ELFN1: variants seen among roughly 807,000 people sequenced by gnomAD.
The protein encoded by ELFN1 is protein ELFN1.
A neutral mutation model predicts 7.6 loss-of-function variants in ELFN1; 6 were observed. The ratio of observed to expected loss-of-function variants is 0.79; its 90% CI spans 0.43 to 1.56. The LOEUF (loss-of-function observed/expected upper bound fraction) is 1.56, where lower values mean the gene tolerates loss of function less well. Ranked by LOEUF, ELFN1 falls within the 40% of genes most tolerant of loss-of-function variation. The pLI is 0.01. For missense variants in ELFN1, 1,169 were observed against 1,232.2 expected (o/e 0.95, Z 0.77); for synonymous variants, 657 against 588.1 (o/e 1.12, Z -1.70).
At chr7:1,738,538 G>A (rs559155818) in intron 3 of ELFN1, 1 of 152,468 alleles carries the variant, frequency 6.6e-6, no homozygotes, top group Admixed American at 6.5e-5. Context: ...AGGAGGCCAA[G>A]GCTGCAGTGA....
intron 3 of ELFN1, among the ~76,000 whole-genome samples, chr7:1,719,747 C>G (rs1449088878): frequency 6.6e-6 from 1 of 152,232 alleles, no homozygotes. Flanking sequence ...TGGGATCAGG[C>G]CAGGAGCAAA....
chr7:1,683,208 A>T, intron 1 of ELFN1, among the ~76,000 whole-genome samples: 1 of 150,288 alleles, frequency 6.7e-6, no homozygotes, highest in African/African-American at 2.4e-5. Context: ...TGAAGTTTTG[A>T]TATTATTTCT....
intron 3 of ELFN1, among the ~76,000 whole-genome samples, chr7:1,724,423 C>T (rs540332362): frequency 7.0e-4 from 107 of 152,342 alleles, no homozygotes; most frequent in Non-Finnish European, 1.3e-3. Flanking sequence ...GGCCCCACCT[C>T]CCTGCTGGCT....
At chr7:1,713,863 C>A (rs1168736900) in intron 3 of ELFN1, among the ~76,000 whole-genome samples, 2 of 152,282 alleles carry the variant, frequency 1.3e-5, no homozygotes, top group Admixed American at 1.3e-4. Context: ...GCCACTCCCC[C>A]AGCACTGCCG....
At chr7:1,728,303 G>C (rs1780250940) in intron 3 of ELFN1, among the ~76,000 whole-genome samples, 1 of 152,260 alleles carries the variant, frequency 6.6e-6, no homozygotes, top group Non-Finnish European at 1.5e-5. Flanking sequence ...ACCCTTCCCA[G>C]AGGCTCACTG....
intron 3 of ELFN1, among the ~76,000 whole-genome samples, chr7:1,742,788 C>T (rs961742857): frequency 6.6e-6 from 1 of 152,212 alleles, no homozygotes; most frequent in African/African-American, 2.4e-5. Context: ...AGACTCTTCT[C>T]CAGGAGCCGG....
Position 1,745,850 on chromosome 7 carries a change from C to A in ELFN1, c.1254C>A (p.Tyr418Ter). The part of the protein sequence containing the change: ...PVPSPSTATH[Y>*]IMTILGCLFG... Reference sequence around the variant, plus strand: ...CCAGCCCCTCCACGGCCACCCACTACATCATGACCATCCTGGGCTGCCTCT... The same window carrying A: ...CCAGCCCCTCCACGGCCACCCACTAAATCATGACCATCCTGGGCTGCCTCT... Residue 418 changes from tyrosine to a stop codon, truncating the protein, a stop_gained, in exon 4 of 4, where the codon TAC becomes TAA. Transcript: ENST00000424383. LOFTEE classifies it low-confidence loss of function (END_TRUNC). The A allele has an allele frequency of 6.3e-7, 1 of 1,588,310 alleles. No homozygotes were observed. Among genetic ancestry groups the A allele is most frequent in the Non-Finnish European group, 8.6e-7 (1 of 1,169,026 alleles).
chr7:1,690,389 G>A (rs1779136251), intron 2 of ELFN1, among the ~76,000 whole-genome samples: 1 of 149,832 alleles, frequency 6.7e-6, no homozygotes, highest in Non-Finnish European at 1.5e-5. Context: ...GAATGGATAG[G>A]TGAGTGGCTG....
intron 3 of ELFN1, among the ~76,000 whole-genome samples, chr7:1,712,812 T>A (rs566183876): frequency 6.6e-6 from 1 of 152,352 alleles, no homozygotes; most frequent in African/African-American, 2.4e-5. Flanking sequence ...ATCTTCTACC[T>A]CTGGCGTCCC....
intron 3 of ELFN1, among the ~76,000 whole-genome samples, chr7:1,724,015 A>G (rs956885852): frequency 6.6e-5 from 10 of 152,174 alleles, no homozygotes; most frequent in Non-Finnish European, 1.5e-4. Context: ...CACAGGGGCT[A>G]TGGGGCCAGG....
intron 3 of ELFN1, among the ~76,000 whole-genome samples, chr7:1,727,821 G>A (rs1169313863): frequency 2.6e-5 from 4 of 151,948 alleles, no homozygotes; most frequent in African/African-American, 4.8e-5. Context: ...TTGCCCAGTC[G>A]GATCTTGAAC....
At chr7:1,732,645 A>AC (rs1780348176) in intron 3 of ELFN1, among the ~76,000 whole-genome samples, 1 of 152,214 alleles carries the variant, frequency 6.6e-6, no homozygotes, top group Non-Finnish European at 1.5e-5. Flanking sequence ...GTTGGTAGAC[A>AC]GAGGCGGGTG....
In ELFN1 at chr7:1,673,676, G is replaced by C. The variant is rs1778811622; in HGVS notation, c.-549+3322G>C. Among the ~76,000 whole-genome samples, 1 of 152,232 alleles carries C rather than the reference G, an allele frequency of 6.6e-6. No individual in the cohort carries two copies. The highest frequency in any genetic ancestry group is 2.4e-5 in the African/African-American group (1 of 41,452). On this transcript the variant is annotated intron_variant, in intron 1 of 3. Transcript: ENST00000424383. This position sits in a 1 kb window ranked among gnomAD's most constrained non-coding sequence, Gnocchi z 4.7. ...CCTGGGACAAAGCCCAGAGGAGCCT[G>C]GCTGCCTTGGAGCTGGCATCCCCAG...
At position 1,686,924 on chromosome 7, in the gene ELFN1, A is replaced by C. The variant is rs563661314; in HGVS notation, c.-548-1134A>C. 2.1e-3 allele frequency among the ~76,000 whole-genome samples: 318 copies of C among 152,176 alleles called. 2 individuals carry two copies. The highest frequency in any genetic ancestry group is 3.4e-3 in the Non-Finnish European group (233 of 68,012). On this transcript the variant is annotated intron_variant, in intron 1 of 3. Coordinates refer to ENST00000424383, the MANE Select transcript of ELFN1 (RefSeq NM_001128636.4). ...GTATTGCTGCCCCAGTCAGGATCAC[A>C]GCTTAAGCCTGGTAGAACCACTGGC... is the stretch of plus-strand genomic sequence containing the variant.
intron 3 of ELFN1, among the ~76,000 whole-genome samples, chr7:1,716,270 C>G (rs886223247): frequency 6.6e-6 from 1 of 152,202 alleles, no homozygotes; most frequent in African/African-American, 2.4e-5. Flanking sequence ...CCTGCTGGTC[C>G]CACAGCCAGA....
chr7:1,721,758 A>G (rs907518183), intron 3 of ELFN1, among the ~76,000 whole-genome samples: 2 of 152,178 alleles, frequency 1.3e-5, no homozygotes, highest in Non-Finnish European at 2.9e-5. Flanking sequence ...TCTGCTGTCC[A>G]GGAGTTTTTG....
At chr7:1,719,783 TACCATCACCTCTGCAAACCCTTCCCC>T (rs1779961063) in intron 3 of ELFN1, among the ~76,000 whole-genome samples, 4 of 151,620 alleles carry the variant, frequency 2.6e-5, no homozygotes, top group South Asian at 2.1e-4. Flanking sequence ...GGGCCTCCCC[TACCATCACCTCTGCAAACCCTTCCCC>T]ACCATCACCT....
chr7:1,684,707 T>C (rs1022831853), intron 1 of ELFN1, among the ~76,000 whole-genome samples: 2 of 152,176 alleles, frequency 1.3e-5, no homozygotes, highest in African/African-American at 4.8e-5. Flanking sequence ...TACTAACAAT[T>C]ATGGTAAAAT....
chr7:1,684,305 C>A (rs1212736519), intron 1 of ELFN1, among the ~76,000 whole-genome samples: 1 of 152,170 alleles, frequency 6.6e-6, no homozygotes, highest in Non-Finnish European at 1.5e-5. Context: ...TGTACCCCTT[C>A]TAGACAGTAT....
Sources: allele counts gnomAD v4.1 joint callset (sites outside exome capture counted in the v4.1 genomes callset), GRCh38; gene constraint gnomAD v4.1.1; non-coding constraint Gnocchi (gnomAD v3.1); transcripts MANE v1.5; gene names NCBI Gene and HGNC (gene_info 2026-07-23, HGNC 2026-07-21).